The following RIF1 variants were observed in gnomAD, a reference collection of about 807,000 sequenced individuals.
The protein encoded by RIF1 is replication timing regulatory factor 1, also known as telomere-associated protein RIF1.
A neutral mutation model predicts 247.1 loss-of-function variants in RIF1; 45 were observed. The observed-to-expected ratio is 0.18, with a 90% CI of 0.14 to 0.23. RIF1 has a LOEUF of 0.23. RIF1 is among the 10% of genes least tolerant of loss of function. RIF1 has a pLI of 1.00. For missense variants in RIF1, 2,967 were observed against 2,862.5 expected (o/e 1.04, Z -0.83); for synonymous variants, 1,087 against 978.8 (o/e 1.11, Z -2.06).
At chr2:151,416,147 A>G (rs1687187853) in intron 4 of RIF1, among the ~76,000 whole-genome samples, 1 of 152,234 alleles carries the variant, frequency 6.6e-6, no homozygotes, top group Non-Finnish European at 1.5e-5. Context: ...AAAGATGTCA[A>G]AGTTGTTACC....
At chr2:151,462,369 C>A in intron 28 of RIF1, 43 bp from the exon 29 acceptor site, 1 of 1,462,892 alleles carries the variant, frequency 6.8e-7, no homozygotes, top group Non-Finnish European at 9.3e-7. Flanking sequence ...TATTCATTTT[C>A]AAATAATTAT....
At chr2:151,493,197 T>A in intron 9 of RIF1, 6 of 601,444 alleles carry the variant, frequency 1.0e-5, no homozygotes, top group Non-Finnish European at 8.6e-6. Flanking sequence ...AAGTGCAAAT[T>A]TTTATGGTGT....
At chr2:151,491,602 T>C in intron 9 of RIF1, 1 of 1,215,566 alleles carries the variant, frequency 8.2e-7, no homozygotes, top group South Asian at 1.3e-5. Context: ...GGGAAGGAAC[T>C]TCAGAGCCCA....
chr2:151,445,238 G>A, intron 18 of RIF1, 100 bp from the exon 19 acceptor site: 1 of 732,030 alleles, frequency 1.4e-6, no homozygotes, highest in Non-Finnish European at 2.5e-6. Flanking sequence ...TCATCATTGG[G>A]GAACACAGTT....
At position 151,409,965 on chromosome 2, in the gene RIF1, A is replaced by G. The variant is rs1685854190; in HGVS notation, c.-79A>G. On this transcript the variant is annotated 5_prime_UTR_variant, in exon 1 of 36. Coordinates refer to ENST00000444746, the MANE Select transcript of RIF1 (RefSeq NM_018151.5). ...GTGAGTAAACAGCCGGAGCTGGGAA[A>G]GTCGAGCTCTGGCAGCGTCTGGGTG... 4.3e-6 allele frequency: 3 copies of G among 701,668 alleles called. No homozygotes were observed. The highest frequency in any genetic ancestry group is 1.5e-5 in the South Asian group (1 of 67,134). The allele number at this position is 701,668 out of a possible 1,614,324, so 43.5% of individuals were successfully genotyped here.
intron 9 of RIF1, chr2:151,490,121 A>G (rs1414832502): frequency 6.9e-7 from 1 of 1,448,506 alleles, no homozygotes; most frequent in Admixed American, 1.8e-5. Context: ...AAAAATGGCT[A>G]GGTATCCTTT....
chr2:151,500,593 C>CTTTT (rs11428843), intron 11 of RIF1, among the ~76,000 whole-genome samples: 14 of 118,438 alleles, frequency 1.2e-4, no homozygotes, highest in African/African-American at 2.1e-4. Flanking sequence ...TTCTTTCTTC[C>CTTTT]TTTTTTTTTT....
chr2:151,488,666 T>C (rs762518937), intron 9 of RIF1, among the ~76,000 whole-genome samples: 8 of 151,928 alleles, frequency 5.3e-5, no homozygotes, highest in Non-Finnish European at 1.2e-4. Flanking sequence ...AAAAAAGTAT[T>C]CTGTATTATT....
chr2:151,511,236 A>G (rs2074012298), downstream of RIF1, among the ~76,000 whole-genome samples: 1 of 152,222 alleles, frequency 6.6e-6, no homozygotes, highest in African/African-American at 2.4e-5. Context: ...TTTGGAGCCC[A>G]TATCATTTTG....
At chr2:151,519,561 AT>A in the RIF1 span, 1 of 885,342 alleles carries the variant, frequency 1.1e-6, no homozygotes. Context: ...GTTGGATAAT[AT>A]TGTGAGTGTT....
At chr2:151,504,907 G>C (rs1365266791) in intron 12 of RIF1, among the ~76,000 whole-genome samples, 1 of 151,992 alleles carries the variant, frequency 6.6e-6, no homozygotes, top group South Asian at 2.1e-4. Context: ...TAGGTAGATC[G>C]CAGCCTGTAC....
chr2:151,462,862 A>G (rs778536179), intron 29 of RIF1, 22 bp from the exon 30 acceptor site: 14 of 1,485,170 alleles, frequency 9.4e-6, no homozygotes, highest in South Asian at 1.3e-5. Context: ...GTGTGTATAT[A>G]TATGTATATA....
At chr2:151,485,414 T>A (rs2049596222), downstream of RIF1, 1 of 178,252 alleles carries the variant, frequency 5.6e-6, no homozygotes, top group East Asian at 1.4e-4. Flanking sequence ...GAATTAGAAA[T>A]AATAAGCATT....
In RIF1 at chr2:151,497,523, T is replaced by TTTAAG. The variant is rs1414126393; in HGVS notation, c.*514-1819_*514-1815dup. Reference sequence around the variant, plus strand: ...AAATTTGCTAAAGAAATTCACAAAATTTAAGTTGTCTTTAAAAAGTAGGAT... The same window carrying TTTAAG: ...AAATTTGCTAAAGAAATTCACAAAATTTAAGTTAAGTTGTCTTTAAAAAGTAGGAT... On this transcript the variant is annotated intron_variant and NMD_transcript_variant, in intron 10 of 13. Transcript: ENST00000454583. The TTTAAG allele has an allele frequency of 2.0e-6, 3 of 1,501,796 alleles. No homozygotes were observed. In the African/African-American group the frequency reaches 4.3e-5, roughly 21 times the overall value. 93.0% of individuals were successfully genotyped at this position (1,501,796 alleles called of 1,614,324 possible).
the RIF1 span, chr2:151,524,217 T>A: frequency 1.9e-6 from 2 of 1,042,534 alleles, no homozygotes; most frequent in African/African-American, 1.6e-5. Flanking sequence ...AGACCCAGCA[T>A]CCCTTTGCAT....
the RIF1 span, among the ~76,000 whole-genome samples, chr2:151,515,925 C>CT: frequency 6.6e-6 from 1 of 152,140 alleles, no homozygotes; most frequent in Non-Finnish European, 1.5e-5. Context: ...TGAAGACAGA[C>CT]TAAGATTTAA....
chr2:151,422,327 A>G lies in RIF1; in HGVS notation c.694-623A>G, dbSNP rs1346505926. Among the ~76,000 whole-genome samples, 3 of 152,054 alleles carry G rather than the reference A, an allele frequency of 2.0e-5. No homozygotes were observed. In the East Asian group the frequency reaches 5.8e-4, roughly 29 times the overall value. On this transcript the variant is annotated intron_variant, in intron 7 of 35. Coordinates refer to ENST00000444746, the MANE Select transcript of RIF1 (RefSeq NM_018151.5). ...CATGCTGACATTTTTAGGGTAAAGT[A>G]TATTGGTAGAAAAAAAAAGTTGGAT... is the stretch of plus-strand genomic sequence containing the variant.
intron 3 of RIF1, among the ~76,000 whole-genome samples, chr2:151,413,270 T>A (rs1392666090): frequency 6.6e-6 from 1 of 152,026 alleles, no homozygotes; most frequent in Non-Finnish European, 1.5e-5. Flanking sequence ...CGACCTCAGG[T>A]GATCCGCCCA....
In RIF1 at chr2:151,463,685, C is replaced by A. The variant is rs764170985; in HGVS notation, c.4165C>A (p.Pro1389Thr). Residue 1389 changes from proline (P) to threonine (T), a missense_variant, in exon 30 of 36, where the codon CCC becomes ACC. Physicochemically the swap from Pro to Thr is conservative, Grantham distance 38. Coordinates refer to ENST00000444746, the MANE Select transcript of RIF1 (RefSeq NM_018151.5). ...TAATTTGGAATCCAAAGAGAATACA[C>A]CCCCAGTAGTAATATCAGCAGATCA... ...EINLESKENT[P>T]PVVISADQMV... 4.3e-6 allele frequency: 7 copies of A among 1,613,622 alleles called. No individual in the cohort carries two copies. The Admixed American group carries it at 1.0e-4, about 23-fold the overall frequency.
Sources: gnomAD v4.1 joint callset for allele counts (sites outside exome capture counted in the v4.1 genomes callset) on GRCh38, gnomAD v4.1.1 for gene constraint, MANE v1.5 for transcripts, NCBI Gene and HGNC (gene_info 2026-07-23, HGNC 2026-07-21) for gene names.